The following AFDN variants were observed in gnomAD, a reference collection of about 807,000 sequenced individuals.
The protein encoded by AFDN is afadin, adherens junction formation factor.
Under a neutral mutation model 216.6 loss-of-function variants are expected in AFDN, and 68 were observed. The observed-to-expected ratio is 0.31, with a 90% confidence interval of 0.26 to 0.38. The LOEUF (loss-of-function observed/expected upper bound fraction) is 0.38, where lower values mean the gene tolerates loss of function less well. Among genes scored for constraint, AFDN ranks in the 10% least tolerant of loss-of-function variants. The probability of loss-of-function intolerance (pLI) is 1.00; values close to 1 mark genes in which losing one functional copy is unlikely to be tolerated. For missense variants in AFDN, 2,136 were observed against 2,342.0 expected, an observed-to-expected ratio of 0.91 and a Z score of 1.82; for synonymous variants, 868 against 853.7, an observed-to-expected ratio of 1.02 and a Z score of -0.29.
chr6:167,830,871 A>G (rs1025673666), intron 1 of AFDN, among the ~76,000 whole-genome samples: 26 of 150,170 alleles, frequency 1.7e-4, no homozygotes, highest in African/African-American at 5.6e-4. Flanking sequence ...AGCTACATCT[A>G]TATTCCAGAC....
chr6:167,917,356 A>C, intron 20 of AFDN, 124 bp downstream of exon 20: 1 of 1,072,922 alleles, frequency 9.3e-7, no homozygotes, highest in Non-Finnish European at 1.3e-6. Flanking sequence ...TTACAAGATC[A>C]TTTTCGTGTT....
Position 167,962,268 on chromosome 6 carries a change from G to T in AFDN, c.4834-165G>T, listed in dbSNP as rs190495930. Among the ~76,000 whole-genome samples the T allele has an allele frequency of 2.0e-5, 3 of 152,280 alleles. No homozygotes were observed. The highest frequency in any genetic ancestry group is 2.0e-4 in the Admixed American group (3 of 15,304). The stretch of plus-strand genomic sequence containing the variant: ...TTTAAAATTGTAGAGCTAAAAAATT[G>T]TAAAAAGTTTTATTTTCCAACAGTG... On this transcript the variant is annotated intron_variant, in intron 30 of 33. Transcript: ENST00000683244. This position sits in a 1 kb window ranked among gnomAD's most constrained non-coding sequence, Gnocchi z 5.2.
rs546119119 is a variant in AFDN at position 167,872,017 on chromosome 6, A to G, written c.415-197A>G. 4.3e-4 allele frequency among the ~76,000 whole-genome samples: 65 copies of G among 152,308 alleles called. No individual in the cohort carries two copies. The South Asian group carries it at 6.2e-3, about 15-fold the overall frequency. On this transcript the variant is annotated intron_variant, in intron 3 of 33. Transcript: ENST00000683244. ...GCACAGATCTTGAGTGTGCAGTTCA[A>G]TTGATTTTGATAAATACACCCATGT...
intron 19 of AFDN, among the ~76,000 whole-genome samples, chr6:167,916,701 A>G (rs1011199480): frequency 2.0e-5 from 3 of 151,802 alleles, no homozygotes; most frequent in Non-Finnish European, 4.4e-5. Context: ...ACCTTTTTTT[A>G]AAAGAGATTT....
intron 1 of AFDN, among the ~76,000 whole-genome samples, chr6:167,833,705 A>T (rs1236536778): frequency 6.6e-6 from 1 of 152,128 alleles, no homozygotes; most frequent in Non-Finnish European, 1.5e-5. Context: ...TGAGGTTGCC[A>T]GTTTCCCTCC....
chr6:167,919,926 C>G (rs1158714818), intron 21 of AFDN, among the ~76,000 whole-genome samples: 5 of 152,174 alleles, frequency 3.3e-5, no homozygotes, highest in Non-Finnish European at 7.4e-5. Flanking sequence ...TTTTTAATTT[C>G]AGTGAATGTT....
intron 6 of AFDN, among the ~76,000 whole-genome samples, chr6:167,881,267 A>T (rs561576837): frequency 6.6e-6 from 1 of 152,234 alleles, no homozygotes; most frequent in Non-Finnish European, 1.5e-5. Context: ...AAGAAGTTAC[A>T]TTGAGTTGGA....
chr6:167,971,062 T>C lies in AFDN; in HGVS notation c.*1127T>C, dbSNP rs965558359. 2.3e-5 allele frequency: 5 copies of C among 219,548 alleles called. No individual in the cohort carries two copies. Among genetic ancestry groups the C allele is most frequent in the African/African-American group, 2.2e-5 (1 of 44,612 alleles). 13.6% of individuals were successfully genotyped at this position (219,548 alleles called of 1,614,324 possible). A position where few individuals can be genotyped will look rare whatever the true frequency, so the allele number is the denominator to read the frequency against. On this transcript the variant is annotated 3_prime_UTR_variant, in exon 34 of 34. Coordinates refer to ENST00000683244, the MANE Select transcript of AFDN (RefSeq NM_001386888.1). ...TGTCATTTCTTCAGCTATGGATATG[T>C]GGCTGATGTTGGGGAGACGGACCTC...
chr6:167,881,233 C>T (rs1367055492), intron 6 of AFDN, among the ~76,000 whole-genome samples: 4 of 152,122 alleles, frequency 2.6e-5, no homozygotes, highest in African/African-American at 9.7e-5. Context: ...AGTTTTATAA[C>T]TTTTATGTTT....
chr6:167,886,631 A>T (rs959952547), intron 6 of AFDN, among the ~76,000 whole-genome samples: 4 of 152,198 alleles, frequency 2.6e-5, no homozygotes, highest in Admixed American at 2.6e-4. Context: ...TACCTATAGA[A>T]TAATTAAGTC....
chr6:167,844,269 G>A (rs1452504471), intron 1 of AFDN, among the ~76,000 whole-genome samples: 1 of 150,820 alleles, frequency 6.6e-6, no homozygotes, highest in Non-Finnish European at 1.5e-5. Context: ...TTAAATCCTG[G>A]GCTCAAGCAA....
chr6:167,896,516 C>T (rs545034898), intron 9 of AFDN, among the ~76,000 whole-genome samples: 19 of 152,238 alleles, frequency 1.2e-4, no homozygotes, highest in South Asian at 2.1e-4. Flanking sequence ...AGATCTGGTC[C>T]GAAGGGAAGG....
chr6:167,922,109 G>T (rs1244818709), intron 21 of AFDN, among the ~76,000 whole-genome samples: 1 of 152,212 alleles, frequency 6.6e-6, no homozygotes, highest in Admixed American at 6.5e-5. Context: ...TAGAGAAAAT[G>T]TACCGAGGAT....
intron 1 of AFDN, among the ~76,000 whole-genome samples, chr6:167,835,262 A>T (rs1027549280): frequency 6.6e-6 from 1 of 152,238 alleles, no homozygotes; most frequent in South Asian, 2.1e-4. Flanking sequence ...CTCAAATTTT[A>T]TTATTGACAT....
In AFDN at chr6:167,847,599, A is replaced by G. The variant is rs561600521; in HGVS notation, c.106-16952A>G. On this transcript the variant is annotated intron_variant, in intron 1 of 33. Transcript: ENST00000683244. ...CCTTTCTTCCTCTCAGACCATGATC[A>G]TATCTAATCTTAGCAGCAGATTCTG... Among the ~76,000 whole-genome samples, 37 of 152,296 alleles carry G rather than the reference A, an allele frequency of 2.4e-4. No individual in the cohort carries two copies. The South Asian group carries it at 6.4e-3, about 26-fold the overall frequency.
intron 22 of AFDN, chr6:167,923,160 T>C (rs1365678300): frequency 1.1e-5 from 5 of 470,426 alleles, no homozygotes; most frequent in Non-Finnish European, 1.9e-5. Context: ...ATTACAGTTT[T>C]GTCTGTAAGC....
chr6:167,935,825 T>A (rs1035824752), intron 23 of AFDN, among the ~76,000 whole-genome samples: 2 of 152,138 alleles, frequency 1.3e-5, no homozygotes, highest in Non-Finnish European at 2.9e-5. Context: ...AATGTTAGCA[T>A]GTAAATTATA....
intron 23 of AFDN, among the ~76,000 whole-genome samples, chr6:167,938,913 A>C (rs1794340150): frequency 6.6e-6 from 1 of 152,198 alleles, no homozygotes; most frequent in Non-Finnish European, 1.5e-5. Flanking sequence ...GGCAGCACCA[A>C]CTGTGTGTGC....
chr6:167,891,404 GGTGGGTGTGTGTGTGTGTGTGT>G (rs1028186141), intron 8 of AFDN, among the ~76,000 whole-genome samples: 60 of 138,158 alleles, frequency 4.3e-4, no homozygotes, highest in Non-Finnish European at 4.0e-4. Flanking sequence ...TTCATAAAGG[GGTGGGTGTGTGTGTGTGTGTGT>G]GTGTGTGTGT....
Sources: allele counts gnomAD v4.1 joint callset (sites outside exome capture counted in the v4.1 genomes callset), GRCh38; gene constraint gnomAD v4.1.1; non-coding constraint Gnocchi (gnomAD v3.1); transcripts MANE v1.5; gene names NCBI Gene and HGNC (gene_info 2026-07-23, HGNC 2026-07-21).